Variants in RREB1 observed in about 807,000 individuals in gnomAD.
RREB1 encodes ras-responsive element-binding protein 1.
Under a neutral mutation model 117.8 loss-of-function variants are expected in RREB1, and 27 were observed. The ratio of observed to expected loss-of-function variants is 0.23; its 90% CI spans 0.17 to 0.32. The LOEUF is 0.32. Ranked by LOEUF, RREB1 falls within the 10% of genes least tolerant of loss-of-function variation. RREB1 has a pLI of 1.00. For missense variants in RREB1, 2,577 were observed against 2,378.2 expected, an observed-to-expected ratio of 1.08 and a Z score of -1.74; for synonymous variants, 1,298 against 1,026.7, an observed-to-expected ratio of 1.26 and a Z score of -5.05.
Position 7,211,614 on chromosome 6 carries a change from T to C in RREB1, c.612T>C (p.Ala204=). Residue 204 remains alanine, a synonymous_variant, in exon 8 of 13, where the codon GCT becomes GCC. Coordinates refer to ENST00000379938, the MANE Select transcript of RREB1 (RefSeq NM_001003699.4). ...DGQSGDLEKK[A]DEVFHCPVCF... is the part of the protein sequence containing the mutation. Reference sequence around the variant, plus strand: ...AGTCAGGTGACTTGGAGAAGAAAGCTGATGAAGTCTTTCACTGCCCAGTAT... The same window carrying C: ...AGTCAGGTGACTTGGAGAAGAAAGCCGATGAAGTCTTTCACTGCCCAGTAT... 3.7e-6 allele frequency: 6 copies of C among 1,614,080 alleles called. No homozygotes were observed. The highest frequency in any genetic ancestry group is 1.1e-5 in the South Asian group (1 of 91,088).
At chr6:7,226,166 G>T (rs954593951) in intron 8 of RREB1, among the ~76,000 whole-genome samples, 1 of 152,178 alleles carries the variant, frequency 6.6e-6, no homozygotes, top group Non-Finnish European at 1.5e-5. Context: ...GTCGGCCATG[G>T]TGGCTTCAGG....
chr6:7,128,968 C>CA (rs940879661), intron 1 of RREB1, among the ~76,000 whole-genome samples: 4 of 151,096 alleles, frequency 2.6e-5, no homozygotes, highest in Admixed American at 6.6e-5. Context: ...GACTCCGTCT[C>CA]AAAAAAAAAG....
intron 1 of RREB1, among the ~76,000 whole-genome samples, chr6:7,117,624 G>A (rs1011392417): frequency 5.3e-5 from 8 of 151,912 alleles, no homozygotes; most frequent in African/African-American, 1.9e-4. Context: ...GGCCAGGCTG[G>A]TCTTGAACTC....
intron 1 of RREB1, among the ~76,000 whole-genome samples, chr6:7,163,312 CT>C (rs1449810759): frequency 8.2e-4 from 125 of 152,308 alleles, no homozygotes; most frequent in Middle Eastern, 3.4e-3. Flanking sequence ...CTCTGAAATA[CT>C]TCGTGGAAAT....
At chr6:7,143,210 A>G (rs372192986) in intron 1 of RREB1, among the ~76,000 whole-genome samples, 3 of 152,188 alleles carry the variant, frequency 2.0e-5, no homozygotes, top group East Asian at 1.9e-4. Context: ...TGTGGTTCCT[A>G]TGCTAGCCCT....
intron 6 of RREB1, among the ~76,000 whole-genome samples, chr6:7,207,091 G>A (rs142365847): frequency 1.3e-5 from 2 of 152,300 alleles, no homozygotes; most frequent in African/African-American, 2.4e-5. Flanking sequence ...AAGAGGAAGA[G>A]CAGAGGGGCC....
intron 1 of RREB1, among the ~76,000 whole-genome samples, chr6:7,149,994 G>GT (rs1763043335): frequency 7.0e-6 from 1 of 142,926 alleles, no homozygotes; most frequent in Non-Finnish European, 1.5e-5. Context: ...TGGCCTGGTT[G>GT]GTTTTTTTTT....
intron 8 of RREB1, among the ~76,000 whole-genome samples, chr6:7,220,827 G>A (rs969344577): frequency 4.6e-5 from 7 of 152,224 alleles, no homozygotes; most frequent in African/African-American, 1.7e-4. Flanking sequence ...CCACAGACGG[G>A]TTGAGGAGAG....
At chr6:7,165,360 T>G (rs769775873) in intron 1 of RREB1, among the ~76,000 whole-genome samples, 1 of 152,204 alleles carries the variant, frequency 6.6e-6, no homozygotes, top group African/African-American at 2.4e-5. Context: ...AGAGTAGGGA[T>G]GTCCTTTTTA....
Position 7,229,203 on chromosome 6 carries a change from C to A in RREB1, c.1104C>A (p.Gly368=). ...LDQKGFLALL[G]LQHTKDVRPA... ...AGAAGGGCTTCCTGGCCTTGCTTGGCCTGCAGCACACCAAAGACGTCAGGC... is the reference window on the plus strand; with the variant it reads ...AGAAGGGCTTCCTGGCCTTGCTTGGACTGCAGCACACCAAAGACGTCAGGC... The change falls in exon 10 of 13, where the codon GGC becomes GGA. Residue 368 remains glycine (G), a synonymous_variant. Coordinates refer to ENST00000379938, the MANE Select transcript of RREB1 (RefSeq NM_001003699.4). The surrounding 1 kb of genome is among the most constrained non-coding windows in gnomAD (Gnocchi z 4.5). The A allele has an allele frequency of 6.2e-7, 1 of 1,612,428 alleles. No homozygotes were observed. Among genetic ancestry groups the A allele is most frequent in the Non-Finnish European group, 8.5e-7 (1 of 1,178,862 alleles).
At chr6:7,134,219 T>C (rs1193304812) in intron 1 of RREB1, among the ~76,000 whole-genome samples, 2 of 152,192 alleles carry the variant, frequency 1.3e-5, no homozygotes, top group African/African-American at 4.8e-5. Flanking sequence ...ACTGACAAAA[T>C]GTGTGTGTTT....
chr6:7,188,913 TTC>T (rs1297918198), intron 5 of RREB1, among the ~76,000 whole-genome samples: 3 of 152,212 alleles, frequency 2.0e-5, no homozygotes, highest in Non-Finnish European at 4.4e-5. Context: ...CTCTACTTCT[TTC>T]TGAGCCTTTC....
At chr6:7,223,177 C>A (rs540416422) in intron 8 of RREB1, among the ~76,000 whole-genome samples, 7 of 150,020 alleles carry the variant, frequency 4.7e-5, no homozygotes, top group African/African-American at 1.7e-4. Context: ...GGATCACTTG[C>A]GCCCAGGAGT....
chr6:7,120,330 T>C (rs1309102703), intron 1 of RREB1, among the ~76,000 whole-genome samples: 1 of 152,110 alleles, frequency 6.6e-6, no homozygotes, highest in Non-Finnish European at 1.5e-5. Context: ...GGTACACACC[T>C]GTAGTCCCAG....
intron 10 of RREB1, among the ~76,000 whole-genome samples, chr6:7,239,554 G>A (rs1476314794): frequency 1.3e-5 from 2 of 152,226 alleles, no homozygotes; most frequent in Non-Finnish European, 2.9e-5. Context: ...AGTAAAAGGA[G>A]AGGGTAGGCA....
At chr6:7,166,889 C>A (rs1267159203) in intron 1 of RREB1, among the ~76,000 whole-genome samples, 1 of 152,172 alleles carries the variant, frequency 6.6e-6, no homozygotes, top group African/African-American at 2.4e-5. Context: ...GACCTCAGGG[C>A]CTGTGAAAGA....
intron 10 of RREB1, among the ~76,000 whole-genome samples, chr6:7,232,428 G>A (rs879443175): frequency 3.3e-5 from 5 of 152,142 alleles, no homozygotes; most frequent in Non-Finnish European, 5.9e-5. Context: ...TTGTGAGGTT[G>A]GCTGTTTTCT....
chr6:7,169,662 C>T (rs778466183), intron 1 of RREB1, among the ~76,000 whole-genome samples: 3 of 152,128 alleles, frequency 2.0e-5, no homozygotes, highest in Non-Finnish European at 4.4e-5. Context: ...AAGACATGCT[C>T]CCTGGAGAAG....
intron 1 of RREB1, among the ~76,000 whole-genome samples, chr6:7,126,435 A>T (rs1743305542): frequency 6.6e-6 from 1 of 151,246 alleles, no homozygotes; most frequent in East Asian, 1.9e-4. Context: ...CATCTAGCTG[A>T]TTTTTTTATT....
Sources: allele counts gnomAD v4.1 joint callset (sites outside exome capture counted in the v4.1 genomes callset), GRCh38; gene constraint gnomAD v4.1.1; non-coding constraint Gnocchi (gnomAD v3.1); transcripts MANE v1.5; gene names NCBI Gene and HGNC (gene_info 2026-07-23, HGNC 2026-07-21).